The following GAPDH variants were observed in gnomAD, a reference collection of about 807,000 sequenced individuals.
The protein encoded by GAPDH is glyceraldehyde-3-phosphate dehydrogenase.
GAPDH carries 13 observed loss-of-function variants against 31.2 expected under a neutral mutation model. That is an observed-to-expected ratio of 0.42 (90% CI 0.27 to 0.66). The LOEUF is 0.66. Ranked by LOEUF, GAPDH falls within the 30% of genes least tolerant of loss-of-function variation. The pLI, the probability that GAPDH is intolerant of heterozygous loss-of-function variation, is 0.26. For synonymous variants in GAPDH, 211 were observed against 166.9 expected, an observed-to-expected ratio of 1.26 and a Z score of -2.04; for missense variants, 300 against 443.7, an observed-to-expected ratio of 0.68 and a Z score of 2.91.
intron 2 of GAPDH, 146 bp from the exon 3 acceptor site, chr12:6,536,348 C>T: frequency 1.5e-6 from 1 of 656,918 alleles, no homozygotes; most frequent in Non-Finnish European, 2.7e-6. Flanking sequence ...CAGGGAAGCT[C>T]AAGGGAGATA....
chr12:6,535,387 G>C, intron 2 of GAPDH: 2 of 989,178 alleles, frequency 2.0e-6, no homozygotes, highest in Non-Finnish European at 2.4e-6. Context: ...GGGTGGAGTC[G>C]CGTGTGGCGG....
Position 6,537,522 on chromosome 12 carries a change from G to T in GAPDH, c.526-62G>T, listed in dbSNP as rs1400839189. ...GGCTTTCCCATAATTTCCTTTCAAG[G>T]TGGGGAGGGAGGTAGAGGGGTGATG... On this transcript the variant is annotated intron_variant, in intron 7 of 8. Transcript: ENST00000229239. This position sits in a 1 kb window ranked among gnomAD's most constrained non-coding sequence, Gnocchi z 4.9. The T allele has an allele frequency of 1.0e-5, 16 of 1,588,054 alleles. No homozygotes were observed. In the Admixed American group the frequency reaches 2.4e-4, roughly 24 times the overall value.
chr12:6,534,739 GGGGGA>G (rs1160090025), intron 1 of GAPDH, 66 bp from the exon 2 acceptor site: 23 of 1,344,720 alleles, frequency 1.7e-5, no homozygotes, highest in Non-Finnish European at 2.2e-5. Flanking sequence ...GAGGCCTGGT[GGGGGA>G]GGGGAGGGGA....
At chr12:6,534,635 G>A (rs997835772) in intron 1 of GAPDH, 66 bp downstream of exon 1, 6 of 646,538 alleles carry the variant, frequency 9.3e-6, no homozygotes, top group Non-Finnish European at 1.6e-5. Context: ...GGCGGGCGCA[G>A]GCCGGATGTG....
Position 6,534,872 on chromosome 12 carries a change from G to C in GAPDH, c.29+11G>C, listed in dbSNP as rs1565551366. The C allele has an allele frequency of 6.2e-7, 1 of 1,612,618 alleles. No individual in the cohort carries two copies. Among genetic ancestry groups the C allele is most frequent in the Non-Finnish European group, 8.5e-7 (1 of 1,179,396 alleles). On this transcript the variant is annotated intron_variant, in intron 2 of 8. Coordinates refer to ENST00000229239, the MANE Select transcript of GAPDH (RefSeq NM_002046.7). Reference sequence around the variant, plus strand: ...GGTCGGAGTCAACGGGTGAGTTCGCGGGTGGCTGGGGGGCCCTGGGCTGCG... The same window carrying C: ...GGTCGGAGTCAACGGGTGAGTTCGCCGGTGGCTGGGGGGCCCTGGGCTGCG...
intron 8 of GAPDH, 46 bp downstream of exon 8, chr12:6,538,042 T>C: frequency 6.3e-7 from 1 of 1,597,702 alleles, no homozygotes; most frequent in Non-Finnish European, 8.5e-7. Context: ...GTGCAGGGTC[T>C]GGCGCCCTCT....
chr12:6,535,358 C>A (rs1364239877), intron 2 of GAPDH: 35 of 991,642 alleles, frequency 3.5e-5, no homozygotes, highest in Non-Finnish European at 4.0e-5. Context: ...GGTGACTAAC[C>A]CTGCGCTCCT....
chr12:6,535,224 C>T (rs887691202), intron 2 of GAPDH: 22 of 1,092,016 alleles, frequency 2.0e-5, no homozygotes, highest in Non-Finnish European at 2.3e-5. Flanking sequence ...CCTCCGGCAC[C>T]GCAGGCCCCG....
rs1946514482 is a variant in GAPDH at position 6,537,760 on chromosome 12, T to G, written c.702T>G (p.Arg234=). The change falls in exon 8 of 9, where the codon CGT becomes CGG. Residue 234 remains arginine, a synonymous_variant. Transcript: ENST00000229239. This position sits in a 1 kb window ranked among gnomAD's most constrained non-coding sequence, Gnocchi z 4.9. ...LNGKLTGMAF[R]VPTANVSVVD... is the part of the protein sequence containing the mutation. ...GGAAGCTCACTGGCATGGCCTTCCG[T>G]GTCCCCACTGCCAACGTGTCAGTGG... 3 of 1,611,796 alleles carry G rather than the reference T, an allele frequency of 1.9e-6. No individual in the cohort carries two copies. The highest frequency in any genetic ancestry group is 8.5e-7 in the Non-Finnish European group (1 of 1,179,850).
At chr12:6,534,892 G>C in intron 2 of GAPDH, 31 bp downstream of exon 2, 1 of 1,610,088 alleles carries the variant, frequency 6.2e-7, no homozygotes, top group Non-Finnish European at 8.5e-7. Context: ...GGGGCCCTGG[G>C]CTGCGACCGC....
chr12:6,538,073 G>A, intron 8 of GAPDH, 28 bp from the exon 9 acceptor site: 1 of 1,599,216 alleles, frequency 6.3e-7, no homozygotes, highest in Middle Eastern at 1.7e-4. Context: ...TCAGAAAAAG[G>A]GCCCTGACAA....
In GAPDH at chr12:6,534,829, C is replaced by T. The variant is rs764733553; in HGVS notation, c.-4C>T. 1.9e-6 allele frequency: 3 copies of T among 1,613,596 alleles called. No individual in the cohort carries two copies. Among genetic ancestry groups the T allele is most frequent in the Non-Finnish European group, 2.5e-6 (3 of 1,179,788 alleles). ...GCGCAGCCGAGCCACATCGCTCAGACACCATGGGGAAGGTGAAGGTCGGAG... is the reference window on the plus strand; with the variant it reads ...GCGCAGCCGAGCCACATCGCTCAGATACCATGGGGAAGGTGAAGGTCGGAG... On this transcript the variant is annotated 5_prime_UTR_variant, in exon 2 of 9. Transcript: ENST00000229239.
chr12:6,537,231 GC>G lies in GAPDH; in HGVS notation c.443+18del, dbSNP rs1565554100. 9 of 1,598,024 alleles carry G rather than the reference GC, an allele frequency of 5.6e-6. No individual in the cohort carries two copies. The highest frequency in any genetic ancestry group is 1.8e-5 in the Admixed American group (1 of 55,668). On this transcript the variant is annotated intron_variant, in intron 6 of 8. Coordinates refer to ENST00000229239, the MANE Select transcript of GAPDH (RefSeq NM_002046.7). This position sits in a 1 kb window ranked among gnomAD's most constrained non-coding sequence, Gnocchi z 4.9. ...AAGATCATCAGGTGAGGAAGGCAGG[GC>G]CCGTGGAGAAGCGGCCAGCCTGGCA...
Position 6,537,527 on chromosome 12 carries a change from G to GA in GAPDH, c.526-56dup. The GA allele has an allele frequency of 6.3e-7, 1 of 1,587,296 alleles. No individual in the cohort carries two copies. Among genetic ancestry groups the GA allele is most frequent in the East Asian group, 2.2e-5 (1 of 44,658 alleles). On this transcript the variant is annotated intron_variant, in intron 7 of 8. Transcript: ENST00000229239. The surrounding 1 kb of genome is among the most constrained non-coding windows in gnomAD (Gnocchi z 4.9). ...TCCCATAATTTCCTTTCAAGGTGGG[G>GA]AGGGAGGTAGAGGGGTGATGTGGGG...
intron 2 of GAPDH, among the ~76,000 whole-genome samples, chr12:6,535,918 G>A (rs1946453796): frequency 6.6e-6 from 1 of 152,188 alleles, no homozygotes; most frequent in Non-Finnish European, 1.5e-5. Flanking sequence ...CCTGATTTCT[G>A]GAAAAGAGCT....
rs1272708463 is a variant in GAPDH at position 6,537,826 on chromosome 12, T to C, written c.768T>C (p.Asp256=). The C allele has an allele frequency of 1.2e-6, 2 of 1,612,136 alleles. No homozygotes were observed. Among genetic ancestry groups the C allele is most frequent in the South Asian group, 1.1e-5 (1 of 90,996 alleles). Residue 256 remains aspartate, a synonymous_variant, in exon 8 of 9, where the codon GAT becomes GAC. Coordinates refer to ENST00000229239, the MANE Select transcript of GAPDH (RefSeq NM_002046.7). This position sits in a 1 kb window ranked among gnomAD's most constrained non-coding sequence, Gnocchi z 4.9. ...TCRLEKPAKY[D]DIKKVVKQAS... ...GTCTAGAAAAACCTGCCAAATATGA[T>C]GACATCAAGAAGGTGGTGAAGCAGG...
Position 6,537,021 on chromosome 12 carries a change from G to C in GAPDH, c.327+11G>C, listed in dbSNP as rs370461292. The C allele has an allele frequency of 6.2e-7, 1 of 1,610,834 alleles. No individual in the cohort carries two copies. Among genetic ancestry groups the C allele is most frequent in the Non-Finnish European group, 8.5e-7 (1 of 1,178,988 alleles). On this transcript the variant is annotated intron_variant, in intron 5 of 8. Coordinates refer to ENST00000229239, the MANE Select transcript of GAPDH (RefSeq NM_002046.7). The surrounding 1 kb of genome is among the most constrained non-coding windows in gnomAD (Gnocchi z 4.9). ...ATGGAGAAGGCTGGGGTGAGTGCAG[G>C]AGGGCCCGCGGGAGGGGAAGCTGAC...
intron 2 of GAPDH, chr12:6,535,173 T>C: frequency 9.3e-7 from 1 of 1,070,874 alleles, no homozygotes; most frequent in Non-Finnish European, 1.2e-6. Context: ...CCTTTCGCGC[T>C]CTGCGGGGTC....
chr12:6,536,425 G>C, intron 2 of GAPDH, 69 bp from the exon 3 acceptor site: 1 of 1,119,918 alleles, frequency 8.9e-7, no homozygotes, highest in Non-Finnish European at 1.4e-6. Context: ...ATGGGGAGGT[G>C]GCCTAGGGCT....
Sources: gnomAD v4.1 joint callset for allele counts (sites outside exome capture counted in the v4.1 genomes callset) on GRCh38, gnomAD v4.1.1 for gene constraint, Gnocchi (gnomAD v3.1) non-coding constraint, MANE v1.5 for transcripts, NCBI Gene and HGNC (gene_info 2026-07-23, HGNC 2026-07-21) for gene names.